Variants in NSUN4 observed in about 807,000 individuals in gnomAD.
NSUN4 encodes the protein 5-cytosine rRNA methyltransferase NSUN4.
A neutral mutation model predicts 43.8 loss-of-function variants in NSUN4; 31 were observed. The ratio of observed to expected loss-of-function variants is 0.71; its 90% CI spans 0.53 to 0.96. The LOEUF is 0.96. Among genes scored for constraint, NSUN4 ranks in the 40% least tolerant of loss-of-function variants. The probability of loss-of-function intolerance (pLI) is 0.00; values close to 1 mark genes in which losing one functional copy is unlikely to be tolerated. For synonymous variants in NSUN4, 167 were observed against 184.1 expected (o/e 0.91, Z 0.75); for missense variants, 439 against 475.6 (o/e 0.92, Z 0.72).
In NSUN4 at chr1:46,362,098, G is replaced by A. The variant is rs748700571; in HGVS notation, c.*252G>A. On this transcript the variant is annotated 3_prime_UTR_variant, in exon 6 of 6. Transcript: ENST00000474844. ...AGGCCTGTACTAAAGTTTGCTGCCC[G>A]CTTAGGGGCTTAGAAGGAGAAGCCA... 1.4e-5 allele frequency: 7 copies of A among 513,144 alleles called. No individual in the cohort carries two copies. Among genetic ancestry groups the A allele is most frequent in the South Asian group, 4.9e-5 (2 of 41,212 alleles). The allele number at this position is 513,144 out of a possible 1,614,324, so 31.8% of individuals were successfully genotyped here. A position where few individuals can be genotyped will look rare whatever the true frequency, so the allele number is the denominator to read the frequency against.
chr1:46,351,985 T>G (rs571591593), intron 3 of NSUN4, among the ~76,000 whole-genome samples: 29 of 147,118 alleles, frequency 2.0e-4, no homozygotes, highest in African/African-American at 6.3e-4. Context: ...TTTTAAAAAA[T>G]TATTTAAATA....
At chr1:46,358,468 C>A (rs1160133323) in intron 4 of NSUN4, among the ~76,000 whole-genome samples, 1 of 138,176 alleles carries the variant, frequency 7.2e-6, no homozygotes, top group East Asian at 2.1e-4. Context: ...GTGGTACGAT[C>A]TCGGCTCACT....
At chr1:46,376,038 G>A in the NSUN4 span, among the ~76,000 whole-genome samples, 1 of 142,908 alleles carries the variant, frequency 7.0e-6, no homozygotes, top group East Asian at 2.0e-4. Flanking sequence ...AGGAGGTGGA[G>A]GTTGCAGTGA....
At chr1:46,350,378 AAAG>A (rs1405059284) in intron 3 of NSUN4, among the ~76,000 whole-genome samples, 3 of 152,160 alleles carry the variant, frequency 2.0e-5, no homozygotes, top group African/African-American at 7.2e-5. Flanking sequence ...AAATAAAAAA[AAAG>A]GAGACATTTA....
chr1:46,346,645 A>T (rs1662524711), intron 2 of NSUN4, among the ~76,000 whole-genome samples: 1 of 152,014 alleles, frequency 6.6e-6, no homozygotes, highest in Non-Finnish European at 1.5e-5. Context: ...AATCACTTGA[A>T]CCTGGGAGGT....
At chr1:46,371,977 C>A in the NSUN4 span, among the ~76,000 whole-genome samples, 2 of 152,024 alleles carry the variant, frequency 1.3e-5, no homozygotes, top group African/African-American at 4.8e-5. Flanking sequence ...CCTCCAGTAG[C>A]GGGGTTTACA....
In NSUN4 at chr1:46,345,022, C is replaced by G; in HGVS notation, c.315C>G (p.His105Gln). The change falls in exon 2 of 6, where the codon CAC becomes CAG. Residue 105 changes from histidine to glutamine, a missense_variant. His to Gln is a conservative substitution (Grantham distance 24). Transcript: ENST00000474844. ...AKDFVNEAISHWELQSEGGQS... is the reference protein window; with the variant it reads ...AKDFVNEAISQWELQSEGGQS... ...ATTTTGTGAATGAAGCCATCTCCCACTGGGAACTGCAGTCTGAGGGTGGCC... is the reference window on the plus strand; with the variant it reads ...ATTTTGTGAATGAAGCCATCTCCCAGTGGGAACTGCAGTCTGAGGGTGGCC... 6.2e-7 allele frequency: 1 copy of G among 1,614,202 alleles called. No individual in the cohort carries two copies. Among genetic ancestry groups the G allele is most frequent in the Middle Eastern group, 1.6e-4 (1 of 6,062 alleles).
the NSUN4 span, among the ~76,000 whole-genome samples, chr1:46,372,931 G>A: frequency 6.6e-6 from 1 of 152,106 alleles, no homozygotes; most frequent in Non-Finnish European, 1.5e-5. Context: ...ATGTTGGCCA[G>A]GTTGGTCTCG....
Position 46,360,742 on chromosome 1 carries a change from C to A in NSUN4, c.792C>A (p.Ser264=). 6.2e-7 allele frequency: 1 copy of A among 1,613,996 alleles called. No homozygotes were observed. The highest frequency in any genetic ancestry group is 1.1e-5 in the South Asian group (1 of 91,080). ...TGCCCTGTACCACAGACCGCCACTC[C>A]CTTCATGAGGAGGAGAACAACATCT... is the stretch of plus-strand genomic sequence containing the variant. The part of the protein sequence containing the change: ...VDVPCTTDRH[S]LHEEENNIFK... The change falls in exon 5 of 6, where the codon TCC becomes TCA. Residue 264 remains serine, a synonymous_variant. Transcript: ENST00000474844.
downstream of NSUN4, among the ~76,000 whole-genome samples, chr1:46,367,856 C>T (rs1272799178): frequency 6.7e-6 from 1 of 148,670 alleles, no homozygotes; most frequent in Non-Finnish European, 1.5e-5. Flanking sequence ...CCTCCGCCTC[C>T]CAGGCTCAAG....
intron 3 of NSUN4, among the ~76,000 whole-genome samples, chr1:46,350,715 G>C (rs1662912665): frequency 6.7e-6 from 1 of 148,320 alleles, no homozygotes. Flanking sequence ...TTACATAAGA[G>C]AAGCTGAGAT....
At chr1:46,379,038 TCTC>T in the NSUN4 span, among the ~76,000 whole-genome samples, 1 of 152,158 alleles carries the variant, frequency 6.6e-6, no homozygotes, top group African/African-American at 2.4e-5. Flanking sequence ...AATAGACTCT[TCTC>T]CTGGGGAGAG....
In NSUN4 at chr1:46,361,764, G is replaced by A; in HGVS notation, c.1073G>A (p.Cys358Tyr). The part of the protein sequence containing the change: ...FMDTFCFFSS[C>Y]QVGELVIPNL... Reference sequence around the variant, plus strand: ...GACACATTTTGTTTCTTCTCATCCTGTCAGGTTGGGGAGCTGGTAATACCA... The same window carrying A: ...GACACATTTTGTTTCTTCTCATCCTATCAGGTTGGGGAGCTGGTAATACCA... Residue 358 changes from cysteine to tyrosine, a missense_variant, in exon 6 of 6, where the codon TGT becomes TAT. Coordinates refer to ENST00000474844, the MANE Select transcript of NSUN4 (RefSeq NM_199044.4). 1.9e-6 allele frequency: 3 copies of A among 1,614,196 alleles called. No individual in the cohort carries two copies. The highest frequency in any genetic ancestry group is 2.5e-6 in the Non-Finnish European group (3 of 1,180,034).
intron 2 of NSUN4, among the ~76,000 whole-genome samples, chr1:46,346,102 G>A (rs1342994242): frequency 1.4e-5 from 2 of 144,594 alleles, no homozygotes; most frequent in Non-Finnish European, 1.5e-5. Context: ...AGTGAGCTGA[G>A]ATCGTGCCAC....
chr1:46,348,595 A>C (rs1368099201), intron 3 of NSUN4, among the ~76,000 whole-genome samples: 1 of 151,144 alleles, frequency 6.6e-6, no homozygotes, highest in Non-Finnish European at 1.5e-5. Context: ...GCTAATCCCA[A>C]CTACTTGGGA....
chr1:46,361,493 T>C, intron 5 of NSUN4, 77 bp from the exon 6 acceptor site: 1 of 1,362,620 alleles, frequency 7.3e-7, no homozygotes, highest in Non-Finnish European at 1.0e-6. Flanking sequence ...CCCTTATCCA[T>C]GTTTCCAGCT....
chr1:46,356,772 C>T (rs771297082), intron 4 of NSUN4, among the ~76,000 whole-genome samples: 1 of 152,144 alleles, frequency 6.6e-6, no homozygotes, highest in Non-Finnish European at 1.5e-5. Context: ...TCTCCCGCTC[C>T]ACTTGTCCAT....
In NSUN4 at chr1:46,350,660, G is replaced by A. The variant is rs192857394; in HGVS notation, c.593-2208G>A. Reference sequence around the variant, plus strand: ...GAATTAGGTTTGGTTGCATTTGATAGAAAACCTAACTAATTGGCTTAAAGA... The same window carrying A: ...GAATTAGGTTTGGTTGCATTTGATAAAAAACCTAACTAATTGGCTTAAAGA... On this transcript the variant is annotated intron_variant, in intron 3 of 5. Coordinates refer to ENST00000474844, the MANE Select transcript of NSUN4 (RefSeq NM_199044.4). 1.0e-3 allele frequency among the ~76,000 whole-genome samples: 156 copies of A among 152,328 alleles called. 2 individuals carry two copies. In the East Asian group the frequency reaches 0.027, roughly 26 times the overall value.
In NSUN4 at chr1:46,347,039, G is replaced by T. The variant is rs781700006; in HGVS notation, c.556G>T (p.Gly186Ter). ...IVLDLCAAPG[G>*]KTLALLQTGC... ...GCTTGACCTATGTGCAGCTCCTGGG[G>T]GAAAGACACTAGCGTTGCTTCAGAC... is the stretch of plus-strand genomic sequence containing the variant. Residue 186 changes from glycine to a stop codon, truncating the protein, a stop_gained, in exon 3 of 6, where the codon GGA becomes TGA. Transcript: ENST00000474844. LOFTEE classifies it high-confidence loss of function. 1 of 1,614,186 alleles carries T rather than the reference G, an allele frequency of 6.2e-7. No homozygotes were observed. The highest frequency in any genetic ancestry group is 2.2e-5 in the East Asian group (1 of 44,888).
Sources: gnomAD v4.1 joint callset for allele counts (sites outside exome capture counted in the v4.1 genomes callset) on GRCh38, gnomAD v4.1.1 for gene constraint, MANE v1.5 for transcripts, NCBI Gene and HGNC (gene_info 2026-07-23, HGNC 2026-07-21) for gene names.